CTNNA1: variants seen among roughly 807,000 people sequenced by gnomAD.
CTNNA1 encodes catenin alpha-1.
CTNNA1 carries 37 observed loss-of-function variants against 98.4 expected under a neutral mutation model. The observed-to-expected ratio is 0.38, with a 90% CI of 0.29 to 0.49. The LOEUF (loss-of-function observed/expected upper bound fraction) is 0.49. Among genes scored for constraint, CTNNA1 ranks in the 20% least tolerant of loss-of-function variants. CTNNA1 has a pLI of 0.95. For missense variants in CTNNA1, 761 were observed against 1,147.2 expected (o/e 0.66, Z 4.86); for synonymous variants, 404 against 413.2 (o/e 0.98, Z 0.27).
At chr5:138,775,805 C>T (rs527327383) in intron 1 of CTNNA1, among the ~76,000 whole-genome samples, 1 of 148,992 alleles carries the variant, frequency 6.7e-6, no homozygotes, top group African/African-American at 2.5e-5. Flanking sequence ...TCACTGCAAC[C>T]TCCGCCTCCC....
At chr5:138,843,888 C>T (rs542522679) in intron 7 of CTNNA1, among the ~76,000 whole-genome samples, 1 of 152,242 alleles carries the variant, frequency 6.6e-6, no homozygotes, top group East Asian at 1.9e-4. Flanking sequence ...CTGGATTCCC[C>T]CAAAAGGAGT....
At chr5:138,777,211 T>C (rs1234588828) in intron 1 of CTNNA1, among the ~76,000 whole-genome samples, 1 of 148,322 alleles carries the variant, frequency 6.7e-6, no homozygotes, top group East Asian at 2.1e-4. Flanking sequence ...GCTCCTCACA[T>C]CCCAGACGGG....
In CTNNA1 at chr5:138,827,642, G is replaced by A. The variant is rs373717420; in HGVS notation, c.986G>A (p.Arg329His). ...GACTCGTCCTGCACGCGTGATGACC[G>A]TCGTGAGCGAATTGTGGCAGAGTGT... ...MADSSCTRDDRRERIVAECNA... is the reference protein window; with the variant it reads ...MADSSCTRDDHRERIVAECNA... Residue 329 changes from arginine to histidine, a missense_variant, in exon 7 of 18, where the codon CGT (arginine) becomes CAT (histidine). This residue lies in a region of CTNNA1 where 287 missense variants were observed against 436.0 expected (regional missense o/e 0.66). Transcript: ENST00000302763. 3 of 1,614,112 alleles carry A rather than the reference G, an allele frequency of 1.9e-6. No individual in the cohort carries two copies. Among genetic ancestry groups the A allele is most frequent in the Admixed American group, 1.7e-5 (1 of 60,008 alleles).
chr5:138,854,087 A>G (rs1291823786), intron 7 of CTNNA1, among the ~76,000 whole-genome samples: 1 of 152,230 alleles, frequency 6.6e-6, no homozygotes, highest in Non-Finnish European at 1.5e-5. Flanking sequence ...TTTCACAATT[A>G]TCATTGATAT....
chr5:138,812,687 T>C (rs1251514407), intron 5 of CTNNA1, among the ~76,000 whole-genome samples: 1 of 152,224 alleles, frequency 6.6e-6, no homozygotes, highest in Non-Finnish European at 1.5e-5. Flanking sequence ...TCAGAAAGTA[T>C]CTCCATACCT....
intron 1 of CTNNA1, among the ~76,000 whole-genome samples, chr5:138,768,638 C>T (rs1480552475): frequency 7.2e-6 from 1 of 138,028 alleles, no homozygotes; most frequent in Admixed American, 8.3e-5. Context: ...TTTGCAGGCA[C>T]AATCACGGCA....
At chr5:138,757,060 G>A in intron 1 of CTNNA1, among the ~76,000 whole-genome samples, 1 of 151,874 alleles carries the variant, frequency 6.6e-6, no homozygotes, top group Admixed American at 6.6e-5. Context: ...ACCAGGCATG[G>A]TGACACGCTC....
Position 138,874,410 on chromosome 5 carries a change from C to T in CTNNA1, c.1063-11802C>T. The T allele has an allele frequency of 1.2e-6, 2 of 1,613,842 alleles. No homozygotes were observed. Among genetic ancestry groups the T allele is most frequent in the Middle Eastern group, 1.6e-4 (1 of 6,062 alleles). On this transcript the variant is annotated intron_variant, in intron 7 of 17. Coordinates refer to ENST00000302763, the MANE Select transcript of CTNNA1 (RefSeq NM_001903.5). The surrounding 1 kb of genome is among the most constrained non-coding windows in gnomAD (Gnocchi z 4.1). Reference sequence around the variant, plus strand: ...GTGGCGTTTGGCACTGAGTGGAAGCCCTGAGAGTCGCAGTAGAAGAGCAGC... The same window carrying T: ...GTGGCGTTTGGCACTGAGTGGAAGCTCTGAGAGTCGCAGTAGAAGAGCAGC...
chr5:138,894,070 A>C (rs1756139694), intron 9 of CTNNA1, among the ~76,000 whole-genome samples: 1 of 147,926 alleles, frequency 6.8e-6, no homozygotes, highest in African/African-American at 2.5e-5. Context: ...GGCACCCACC[A>C]CCCTGCCTGG....
chr5:138,830,945 T>G (rs1355312749), intron 7 of CTNNA1, among the ~76,000 whole-genome samples: 5 of 152,234 alleles, frequency 3.3e-5, no homozygotes, highest in Admixed American at 3.3e-4. Context: ...GGTTAACTTC[T>G]ATCTTGATTT....
chr5:138,795,261 AC>A (rs1756829576), intron 3 of CTNNA1, among the ~76,000 whole-genome samples: 1 of 151,828 alleles, frequency 6.6e-6, no homozygotes, highest in South Asian at 2.1e-4. Flanking sequence ...GGGGTTTGAG[AC>A]CAGCCTGACC....
intron 7 of CTNNA1, chr5:138,872,027 A>AGAGT (rs761374260): frequency 9.0e-5 from 12 of 133,066 alleles, no homozygotes; most frequent in Non-Finnish European, 1.6e-4. Context: ...AGAGCGCGAG[A>AGAGT]GTGTGTGTGT....
At chr5:138,753,656 T>G (rs890829253) in intron 1 of CTNNA1, 146 bp downstream of exon 1, 3 of 333,040 alleles carry the variant, frequency 9.0e-6, no homozygotes, top group Middle Eastern at 1.7e-3. Context: ...TCGCCGGGAA[T>G]TGGGCCCCGG....
intron 7 of CTNNA1, among the ~76,000 whole-genome samples, chr5:138,884,139 G>A (rs1753529793): frequency 6.6e-6 from 1 of 152,214 alleles, no homozygotes; most frequent in Non-Finnish European, 1.5e-5. Context: ...CATGTAAGGT[G>A]TACATTGGTT....
intron 13 of CTNNA1, among the ~76,000 whole-genome samples, chr5:138,926,475 A>ACCCG (rs1174295428): frequency 6.9e-6 from 1 of 145,020 alleles, no homozygotes; most frequent in Non-Finnish European, 1.5e-5. Context: ...CCACCCACCC[A>ACCCG]CCCACACCTG....
intron 10 of CTNNA1, among the ~76,000 whole-genome samples, chr5:138,906,158 AT>A (rs933025188): frequency 6.6e-6 from 1 of 152,152 alleles, no homozygotes; most frequent in Non-Finnish European, 1.5e-5. Context: ...AACCATGTGG[AT>A]TAATTTGCCA....
chr5:138,812,380 T>G, intron 5 of CTNNA1, 78 bp downstream of exon 5: 2 of 1,483,514 alleles, frequency 1.3e-6, no homozygotes, highest in Non-Finnish European at 1.8e-6. Context: ...GTGTGTTTTC[T>G]GAAAGTACCA....
intron 3 of CTNNA1, among the ~76,000 whole-genome samples, chr5:138,801,115 A>G (rs1757532968): frequency 6.6e-6 from 1 of 152,250 alleles, no homozygotes; most frequent in Admixed American, 6.5e-5. Context: ...CAGATGCATC[A>G]TATGGCATTT....
At chr5:138,813,871 G>T (rs545679675) in intron 5 of CTNNA1, among the ~76,000 whole-genome samples, 2 of 152,220 alleles carry the variant, frequency 1.3e-5, no homozygotes, top group East Asian at 3.9e-4. Flanking sequence ...TCCTACCTCT[G>T]CCTCCCAAGG....
Sources: gnomAD v4.1 joint callset for allele counts (sites outside exome capture counted in the v4.1 genomes callset) on GRCh38, gnomAD v4.1.1 for gene constraint, gnomAD v4.1.1 regional missense constraint, Gnocchi (gnomAD v3.1) non-coding constraint, MANE v1.5 for transcripts, NCBI Gene and HGNC (gene_info 2026-07-23, HGNC 2026-07-21) for gene names.